Variants in NXPE2 observed in about 807,000 individuals in gnomAD.
The protein encoded by NXPE2 is NXPE family member 2.
In NXPE2, 34 loss-of-function variants were observed where a neutral mutation model predicts 34.4. The observed-to-expected ratio is 0.99, with a 90% CI of 0.75 to 1.31. The LOEUF (loss-of-function observed/expected upper bound fraction) is 1.31, where lower values mean the gene tolerates loss of function less well. Among genes scored for constraint, NXPE2 ranks in the 40% most tolerant of loss-of-function variants. The pLI, the probability that NXPE2 is intolerant of heterozygous loss-of-function variation, is 0.00. For missense variants in NXPE2, 649 were observed against 672.5 expected, an observed-to-expected ratio of 0.97 and a Z score of 0.39; for synonymous variants, 235 against 231.3, an observed-to-expected ratio of 1.02 and a Z score of -0.15.
At chr11:114,529,658 A>C in the NXPE2 span, 11 of 159,046 alleles carry the variant, frequency 6.9e-5, no homozygotes, top group Admixed American at 2.3e-4. Context: ...CATGGGATCA[A>C]CTGGAGAAAA....
chr11:114,509,348 TG>T, the NXPE2 span, among the ~76,000 whole-genome samples: 1 of 152,256 alleles, frequency 6.6e-6, no homozygotes, highest in Non-Finnish European at 1.5e-5. Flanking sequence ...TCAGCCATTG[TG>T]GAAGACAGTG....
chr11:114,655,471 G>A, the NXPE2 span, among the ~76,000 whole-genome samples: 3 of 152,280 alleles, frequency 2.0e-5, no homozygotes, highest in South Asian at 6.2e-4. Flanking sequence ...TTACATTTAA[G>A]TCTTTAATCC....
At chr11:114,643,782 T>C in the NXPE2 span, among the ~76,000 whole-genome samples, 1 of 152,090 alleles carries the variant, frequency 6.6e-6, no homozygotes, top group Non-Finnish European at 1.5e-5. Flanking sequence ...TAGTTTTTTT[T>C]TTAATAATTC....
At chr11:114,794,404 G>T in the NXPE2 span, among the ~76,000 whole-genome samples, 1 of 152,108 alleles carries the variant, frequency 6.6e-6, no homozygotes, top group Non-Finnish European at 1.5e-5. Context: ...GATGAATTAG[G>T]TGCCCCTTCA....
the NXPE2 span, among the ~76,000 whole-genome samples, chr11:114,735,042 G>A: frequency 1.7e-3 from 254 of 152,238 alleles, no homozygotes; most frequent in African/African-American, 5.8e-3. Flanking sequence ...CCTGGGAGGC[G>A]GAGCTTGCAG....
chr11:114,658,838 T>C, the NXPE2 span, among the ~76,000 whole-genome samples: 1 of 152,106 alleles, frequency 6.6e-6, no homozygotes, highest in Non-Finnish European at 1.5e-5. Context: ...GGATTGAGGC[T>C]GATCACCAAC....
the NXPE2 span, chr11:114,584,706 C>T: frequency 6.5e-6 from 1 of 153,178 alleles, no homozygotes; most frequent in Non-Finnish European, 1.5e-5. Flanking sequence ...GAGGGAACCT[C>T]CCCTGCTCTG....
At chr11:114,502,518 T>C in the NXPE2 span, among the ~76,000 whole-genome samples, 14 of 152,338 alleles carry the variant, frequency 9.2e-5, no homozygotes, top group South Asian at 2.1e-3. Flanking sequence ...TTTCTAAGAT[T>C]ATGAGACTTT....
chr11:114,475,226 G>GTTTTTTTTTTTTT, the NXPE2 span, among the ~76,000 whole-genome samples: 27 of 88,052 alleles, frequency 3.1e-4, 3 homozygotes, highest in Non-Finnish European at 4.0e-4. Context: ...AATGTGAACT[G>GTTTTTTTTTTTTT]TTTTTTTTTT....
downstream of NXPE2, chr11:114,707,498 G>A (rs768946749): frequency 5.7e-5 from 20 of 348,636 alleles, no homozygotes; most frequent in South Asian, 1.0e-4. Flanking sequence ...GGGTTCAAGC[G>A]ATTCTCCTGA....
chr11:114,483,905 C>T, the NXPE2 span, among the ~76,000 whole-genome samples: 5 of 152,166 alleles, frequency 3.3e-5, no homozygotes, highest in African/African-American at 1.2e-4. Flanking sequence ...TGCTGCTTCC[C>T]ACTGACCCCT....
the NXPE2 span, among the ~76,000 whole-genome samples, chr11:114,736,082 C>G: frequency 6.6e-6 from 1 of 152,090 alleles, no homozygotes; most frequent in Admixed American, 6.5e-5. Context: ...TCACATACTT[C>G]ACAAGGTAAT....
chr11:114,592,531 T>TCA, the NXPE2 span, among the ~76,000 whole-genome samples: 941 of 148,246 alleles, frequency 6.3e-3, 11 homozygotes, highest in Non-Finnish European at 7.2e-3. Flanking sequence ...ACACACACAC[T>TCA]CACACACACA....
chr11:114,638,541 C>G, the NXPE2 span, among the ~76,000 whole-genome samples: 4 of 152,050 alleles, frequency 2.6e-5, no homozygotes, highest in African/African-American at 4.8e-5. Context: ...GAGAGGTGCT[C>G]TGCTTTTTAG....
chr11:114,558,025 T>C, the NXPE2 span, among the ~76,000 whole-genome samples: 1 of 152,076 alleles, frequency 6.6e-6, no homozygotes, highest in Non-Finnish European at 1.5e-5. Context: ...AGAATCTAGA[T>C]CTCTCAACCC....
At chr11:114,500,883 C>T in the NXPE2 span, among the ~76,000 whole-genome samples, 1 of 152,104 alleles carries the variant, frequency 6.6e-6, no homozygotes, top group Non-Finnish European at 1.5e-5. Context: ...ACTGTCCATT[C>T]CTTATGGAAT....
the NXPE2 span, among the ~76,000 whole-genome samples, chr11:114,652,061 CTTTT>C: frequency 6.6e-6 from 1 of 152,188 alleles, no homozygotes; most frequent in Non-Finnish European, 1.5e-5. Context: ...AAGCTATTTA[CTTTT>C]TCTAAAACCT....
chr11:114,482,765 G>C, the NXPE2 span, among the ~76,000 whole-genome samples: 2 of 152,178 alleles, frequency 1.3e-5, no homozygotes, highest in African/African-American at 4.8e-5. Flanking sequence ...AGTGCACTAA[G>C]ACTTTCTCCA....
the NXPE2 span, among the ~76,000 whole-genome samples, chr11:114,671,224 C>T: frequency 6.6e-6 from 1 of 150,978 alleles, no homozygotes; most frequent in South Asian, 2.1e-4. Context: ...GAAGGTAGAT[C>T]AGTAGAGATT....
Sources: gnomAD v4.1 joint callset for allele counts (sites outside exome capture counted in the v4.1 genomes callset) on GRCh38, gnomAD v4.1.1 for gene constraint, MANE v1.5 for transcripts, NCBI Gene and HGNC (gene_info 2026-07-23, HGNC 2026-07-21) for gene names.